The following CFAP20DC variants were observed in gnomAD, a reference collection of about 807,000 sequenced individuals.
CFAP20DC encodes CFAP20 domain containing.
In CFAP20DC, 84 loss-of-function variants were observed where a neutral mutation model predicts 101.7. The observed-to-expected ratio is 0.83, with a 90% confidence interval of 0.69 to 0.99. CFAP20DC has a LOEUF of 0.99. Among genes scored for constraint, CFAP20DC ranks in the 50% least tolerant of loss-of-function variants. CFAP20DC has a pLI of 0.00. For missense variants in CFAP20DC, 1,007 were observed against 970.3 expected, an observed-to-expected ratio of 1.04 and a Z score of -0.50; for synonymous variants, 359 against 351.2, an observed-to-expected ratio of 1.02 and a Z score of -0.25.
rs759071873 is a variant in CFAP20DC at position 59,039,525 on chromosome 3, C to T, written c.278+32G>A. Reference sequence around the variant, plus strand: ...CAATTGATCAAATGTCTAATACACACAAAACATTCAAAGAAGTTCTGTATA... The same window carrying T: ...CAATTGATCAAATGTCTAATACACATAAAACATTCAAAGAAGTTCTGTATA... On this transcript the variant is annotated intron_variant, in intron 4 of 16. Coordinates refer to ENST00000482387, the MANE Select transcript of CFAP20DC (RefSeq NM_001394063.1). 1.2e-4 allele frequency: 153 copies of T among 1,312,686 alleles called. No homozygotes were observed. In the Middle Eastern group the frequency reaches 1.4e-3, roughly 12 times the overall value. 81.3% of individuals were successfully genotyped at this position (1,312,686 alleles called of 1,614,324 possible). A position where few individuals can be genotyped will look rare whatever the true frequency, so the allele number is the denominator to read the frequency against.
intron 4 of CFAP20DC, among the ~76,000 whole-genome samples, chr3:58,940,805 T>C (rs1230576708): frequency 6.6e-6 from 1 of 152,210 alleles, no homozygotes; most frequent in Admixed American, 6.5e-5. Flanking sequence ...CATTTTCTAT[T>C]AAAAAGAAGT....
intron 4 of CFAP20DC, among the ~76,000 whole-genome samples, chr3:58,980,039 C>A (rs1351426064): frequency 6.6e-6 from 1 of 152,096 alleles, no homozygotes; most frequent in African/African-American, 2.4e-5. Flanking sequence ...AAGTATGTTG[C>A]CTTAGTGATA....
At chr3:58,825,633 C>T (rs927266128) in intron 14 of CFAP20DC, among the ~76,000 whole-genome samples, 17 of 152,062 alleles carry the variant, frequency 1.1e-4, no homozygotes, top group African/African-American at 4.1e-4. Flanking sequence ...TAACTAACTC[C>T]TAGTGCCCTT....
At chr3:58,905,143 G>C (rs2083472386) in intron 6 of CFAP20DC, among the ~76,000 whole-genome samples, 1 of 152,104 alleles carries the variant, frequency 6.6e-6, no homozygotes, top group Non-Finnish European at 1.5e-5. Context: ...ATTTGAGAAA[G>C]AGACCTGAAC....
At chr3:58,807,071 C>G (rs953651532) in intron 14 of CFAP20DC, among the ~76,000 whole-genome samples, 1 of 152,170 alleles carries the variant, frequency 6.6e-6, no homozygotes, top group South Asian at 2.1e-4. Context: ...CCAGGAAGCT[C>G]GACCTGGGTG....
At chr3:58,827,371 G>C (rs1464470933) in intron 14 of CFAP20DC, among the ~76,000 whole-genome samples, 1 of 144,562 alleles carries the variant, frequency 6.9e-6, no homozygotes, top group Non-Finnish European at 1.5e-5. Flanking sequence ...CCAACTGACA[G>C]CCAAGTTGAC....
chr3:58,779,925 A>T (rs1397801619), intron 15 of CFAP20DC, among the ~76,000 whole-genome samples: 1 of 152,094 alleles, frequency 6.6e-6, no homozygotes, highest in Non-Finnish European at 1.5e-5. Context: ...AAATGTCAAA[A>T]ATCAAAAACA....
intron 15 of CFAP20DC, among the ~76,000 whole-genome samples, chr3:58,796,096 A>T (rs1231270638): frequency 6.6e-6 from 1 of 152,272 alleles, no homozygotes; most frequent in East Asian, 1.9e-4. Context: ...GTGTAACTGG[A>T]CCAGGGATAC....
chr3:58,746,460 A>AT (rs1289413362), intron 16 of CFAP20DC, among the ~76,000 whole-genome samples: 4 of 152,186 alleles, frequency 2.6e-5, no homozygotes, highest in African/African-American at 9.7e-5. Flanking sequence ...ATGAGAAAAC[A>AT]AAATATATTT....
At chr3:58,720,424 G>A (rs1371682282) in intron 3 of CFAP20DC, among the ~76,000 whole-genome samples, 1 of 152,200 alleles carries the variant, frequency 6.6e-6, no homozygotes, top group Non-Finnish European at 1.5e-5. Flanking sequence ...ATAACATGGT[G>A]ACTCTGAGGA....
chr3:58,947,541 G>C (rs1000227695), intron 4 of CFAP20DC, among the ~76,000 whole-genome samples: 3 of 152,136 alleles, frequency 2.0e-5, no homozygotes, highest in Non-Finnish European at 4.4e-5. Flanking sequence ...CATTTAGAAA[G>C]GACTGGATCT....
intron 4 of CFAP20DC, among the ~76,000 whole-genome samples, chr3:58,986,481 C>G (rs1251714826): frequency 2.0e-5 from 3 of 152,080 alleles, no homozygotes. Context: ...ACTGCTCCCT[C>G]TGTGAAAGGA....
intron 4 of CFAP20DC, among the ~76,000 whole-genome samples, chr3:58,988,165 T>A (rs1453499896): frequency 6.6e-6 from 1 of 152,096 alleles, no homozygotes; most frequent in African/African-American, 2.4e-5. Flanking sequence ...TGTAATGTCA[T>A]CCATGACATT....
At chr3:59,011,340 G>A (rs1272812103) in intron 4 of CFAP20DC, among the ~76,000 whole-genome samples, 2 of 151,592 alleles carry the variant, frequency 1.3e-5, no homozygotes, top group African/African-American at 4.9e-5. Flanking sequence ...GGAGGTTGAA[G>A]TGAGTCAAGA....
chr3:58,834,103 T>C (rs1454954187), intron 13 of CFAP20DC, among the ~76,000 whole-genome samples: 1 of 152,202 alleles, frequency 6.6e-6, no homozygotes, highest in African/African-American at 2.4e-5. Context: ...ATTAAAATGT[T>C]CTGAAATTAG....
chr3:58,969,133 G>A (rs904056301), intron 4 of CFAP20DC, among the ~76,000 whole-genome samples: 10 of 152,116 alleles, frequency 6.6e-5, no homozygotes, highest in African/African-American at 2.4e-4. Context: ...TTGATGTCAG[G>A]TAACATGATG....
chr3:58,923,315 T>G (rs1333107914), intron 5 of CFAP20DC, among the ~76,000 whole-genome samples: 2 of 152,242 alleles, frequency 1.3e-5, no homozygotes, highest in African/African-American at 4.8e-5. Flanking sequence ...TTACTGGCAT[T>G]CTTTGTTCTT....
chr3:58,932,066 A>C (rs987927852), intron 5 of CFAP20DC, among the ~76,000 whole-genome samples: 2 of 152,254 alleles, frequency 1.3e-5, no homozygotes, highest in Non-Finnish European at 2.9e-5. Flanking sequence ...ACCAATACAG[A>C]GAAGTGCTTA....
At chr3:58,800,938 C>A (rs894186299) in intron 15 of CFAP20DC, among the ~76,000 whole-genome samples, 8 of 150,554 alleles carry the variant, frequency 5.3e-5, no homozygotes, top group African/African-American at 2.0e-4. Flanking sequence ...CAGGTGTATA[C>A]CTACTCACTT....
Sources: gnomAD v4.1 joint callset for allele counts (sites outside exome capture counted in the v4.1 genomes callset) on GRCh38, gnomAD v4.1.1 for gene constraint, MANE v1.5 for transcripts, NCBI Gene and HGNC (gene_info 2026-07-23, HGNC 2026-07-21) for gene names.